The following SLC35B1 variants were observed in gnomAD, a reference collection of about 807,000 sequenced individuals.
SLC35B1 encodes solute carrier family 35 member B1.
A neutral mutation model predicts 36.6 loss-of-function variants in SLC35B1; 27 were observed. The observed-to-expected ratio is 0.74, with a 90% CI of 0.54 to 1.02. The LOEUF is 1.02. Among genes scored for constraint, SLC35B1 ranks in the 50% least tolerant of loss-of-function variants. The pLI is 0.00. For missense variants in SLC35B1, 321 were observed against 383.2 expected, an observed-to-expected ratio of 0.84 and a Z score of 1.35; for synonymous variants, 162 against 152.5, an observed-to-expected ratio of 1.06 and a Z score of -0.46.
intron 1 of SLC35B1, 130 bp downstream of exon 1, chr17:49,707,600 G>A (rs1481751470): frequency 2.1e-6 from 3 of 1,449,842 alleles, no homozygotes; most frequent in Non-Finnish European, 2.8e-6. Context: ...AGCTGCAAAA[G>A]TAGTAGGGTG....
At chr17:49,707,275 G>A (rs1219794142) in intron 1 of SLC35B1, 1 of 1,462,412 alleles carries the variant, frequency 6.8e-7, no homozygotes. Context: ...TGATTCCAAA[G>A]CCTAAGAAAA....
intron 1 of SLC35B1, 87 bp from the exon 2 acceptor site, chr17:49,707,155 T>C: frequency 7.1e-7 from 1 of 1,399,136 alleles, no homozygotes; most frequent in East Asian, 2.3e-5. Context: ...CTGAAAACTT[T>C]AAAATTATCT....
rs143938937 is a variant in SLC35B1 at position 49,704,567 on chromosome 17, C to T, written c.529-341G>A. Among the ~76,000 whole-genome samples the T allele has an allele frequency of 2.2e-3, 336 of 152,268 alleles. 1 individual carries two copies. Among genetic ancestry groups the T allele is most frequent in the Non-Finnish European group, 3.7e-3 (253 of 68,016 alleles). ...AGCTTGGAGTATAGTGCTCCAGAGA[C>T]CGGATCCTGTGCTTAGGCTGCCTGG... On this transcript the variant is annotated intron_variant, in intron 5 of 8. Transcript: ENST00000240333.
intron 1 of SLC35B1, chr17:49,707,359 C>T (rs1247056341): frequency 1.4e-6 from 2 of 1,427,608 alleles, no homozygotes; most frequent in Non-Finnish European, 1.9e-6. Flanking sequence ...CAGGAGGAGA[C>T]GGTATTTCGG....
intron 8 of SLC35B1, 174 bp downstream of exon 8, chr17:49,702,684 G>A (rs1402107894): frequency 1.1e-5 from 7 of 624,056 alleles, no homozygotes; most frequent in African/African-American, 5.5e-5. Context: ...CACCCGATTG[G>A]TGAGCTGAGA....
chr17:49,703,826 G>T (rs1015520381), intron 6 of SLC35B1: 5 of 424,224 alleles, frequency 1.2e-5, no homozygotes, highest in African/African-American at 1.0e-4. Flanking sequence ...CTCATGAAAG[G>T]GAAAGTTCCC....
In SLC35B1 at chr17:49,702,734, G is replaced by A. The variant is rs188290606; in HGVS notation, c.916+124C>T. On this transcript the variant is annotated intron_variant, in intron 8 of 8. Coordinates refer to ENST00000240333, the MANE Select transcript of SLC35B1 (RefSeq NM_005827.4). ...TCACTCCAGCCTGGGCAACAAGAGC[G>A]AAACTCCGTCTCAAAAAAAAGAGAA... is the stretch of plus-strand genomic sequence containing the variant. 8.3e-5 allele frequency: 91 copies of A among 1,102,662 alleles called. No homozygotes were observed. In the African/African-American group the frequency reaches 1.1e-3, roughly 14 times the overall value. The allele number at this position is 1,102,662 out of a possible 1,614,324, so 68.3% of individuals were successfully genotyped here.
chr17:49,706,354 AAAAAAAAAAAAGAAAAGAAAAG>A lies in SLC35B1; in HGVS notation c.209-42_209-21del. 7.3e-7 allele frequency: 1 copy of A among 1,370,384 alleles called. No individual in the cohort carries two copies. The allele number at this position is 1,370,384 out of a possible 1,614,324, so 84.9% of individuals were successfully genotyped here. A position where few individuals can be genotyped will look rare whatever the true frequency, so the allele number is the denominator to read the frequency against. ...GGATCACTGGGAGAAGACAAAAAAA[AAAAAAAAAAAAGAAAAGAAAAG>A]AAAAAAAAAAAAAAACAAGAGAAAC... On this transcript the variant is annotated intron_variant, in intron 2 of 8. Transcript: ENST00000240333.
At position 49,707,029 on chromosome 17, in the gene SLC35B1, C is replaced by A. The variant is rs762415958; in HGVS notation, c.144G>T (p.Thr48=). The change falls in exon 2 of 9, where the codon ACG becomes ACT. Residue 48 remains threonine, a synonymous_variant. Transcript: ENST00000240333. ...GKYGEGAKQE[T]FTFALTLVFI... The stretch of plus-strand genomic sequence containing the variant: ...AGACCAAAGTTAAGGCAAAGGTGAA[C>A]GTCTCCTGCTTGGCTCCTTCCCCAT... The A allele has an allele frequency of 1.2e-6, 2 of 1,613,998 alleles. No homozygotes were observed. The highest frequency in any genetic ancestry group is 1.7e-5 in the Admixed American group (1 of 60,024).
At position 49,706,300 on chromosome 17, in the gene SLC35B1, A is replaced by C. The variant is rs781150911; in HGVS notation, c.243T>G (p.Arg81=). The change falls in exon 3 of 9, where the codon CGT becomes CGG. Residue 81 remains arginine (R), a synonymous_variant. Transcript: ENST00000240333. The part of the protein sequence containing the change: ...IQFFDTARVD[R]TRSWLYAACS... ...AGGCAGCATAGAGCCAGCTCCGGGT[A>C]CGATCCACCCTGGCAGTGTCAAAAA... is the stretch of plus-strand genomic sequence containing the variant. 6.5e-7 allele frequency: 1 copy of C among 1,531,404 alleles called. No homozygotes were observed. Among genetic ancestry groups the C allele is most frequent in the Admixed American group, 1.8e-5 (1 of 54,350 alleles). The allele number at this position is 1,531,404 out of a possible 1,614,324, so 94.9% of individuals were successfully genotyped here.
At chr17:49,707,385 C>G in intron 1 of SLC35B1, 1 of 1,429,836 alleles carries the variant, frequency 7.0e-7, no homozygotes, top group Non-Finnish European at 9.3e-7. Flanking sequence ...GCACCAAGGC[C>G]GAGGACGAAT....
intron 8 of SLC35B1, chr17:49,701,801 A>T: frequency 2.9e-6 from 1 of 348,324 alleles, no homozygotes; most frequent in Middle Eastern, 6.1e-4. Flanking sequence ...CAAAACTTCT[A>T]GGCTATGGCT....
intron 8 of SLC35B1, 77 bp from the exon 9 acceptor site, chr17:49,701,587 G>T: frequency 8.0e-7 from 1 of 1,244,820 alleles, no homozygotes; most frequent in Non-Finnish European, 1.2e-6. Context: ...GGGTGGGGTA[G>T]TCGGCCTTGT....
chr17:49,702,742 G>T, intron 8 of SLC35B1, 116 bp downstream of exon 8: 1 of 1,171,094 alleles, frequency 8.5e-7, no homozygotes, highest in Non-Finnish European at 1.2e-6. Flanking sequence ...GCGAAACTCC[G>T]TCTCAAAAAA....
intron 3 of SLC35B1, 106 bp from the exon 4 acceptor site, chr17:49,706,002 ACCTCAG>A (rs1340035700): frequency 9.0e-6 from 12 of 1,332,348 alleles, no homozygotes; most frequent in Non-Finnish European, 1.3e-5. Context: ...TGCACCAGAG[ACCTCAG>A]CCTCAGAAAG....
At chr17:49,705,373 G>T in intron 4 of SLC35B1, 92 bp from the exon 5 acceptor site, 1 of 1,292,832 alleles carries the variant, frequency 7.7e-7, no homozygotes, top group Non-Finnish European at 1.1e-6. Flanking sequence ...AAAAGACTCA[G>T]GGAGAAAAGA....
intron 5 of SLC35B1, 55 bp downstream of exon 5, chr17:49,705,069 T>C: frequency 3.1e-6 from 5 of 1,591,026 alleles, no homozygotes; most frequent in Non-Finnish European, 4.3e-6. Context: ...TAGGTGAGAC[T>C]ATCCTTTGGT....
In SLC35B1 at chr17:49,707,873, C is replaced by A. The variant is rs773061239; in HGVS notation, c.-40G>T. On this transcript the variant is annotated 5_prime_UTR_variant, in exon 1 of 9. Transcript: ENST00000240333. ...AGCCGACTGGAGACCCGCTCACAACCGGCACCGGCAGCAGCGGCGGCGGAG... is the reference window on the plus strand; with the variant it reads ...AGCCGACTGGAGACCCGCTCACAACAGGCACCGGCAGCAGCGGCGGCGGAG... The A allele has an allele frequency of 2.5e-6, 4 of 1,608,402 alleles. No homozygotes were observed. The highest frequency in any genetic ancestry group is 3.4e-6 in the Non-Finnish European group (4 of 1,178,256).
At position 49,706,265 on chromosome 17, in the gene SLC35B1, G is replaced by C. The variant is rs531623627; in HGVS notation, c.278C>G (p.Ser93Cys). 28 of 1,603,410 alleles carry C rather than the reference G, an allele frequency of 1.7e-5. No individual in the cohort carries two copies. In the East Asian group the frequency reaches 5.9e-4, roughly 34 times the overall value. The change falls in exon 3 of 9, where the codon TCC (serine) becomes TGC (cysteine). Residue 93 changes from serine (S) to cysteine (C), a missense_variant. By Grantham distance (112) the Ser-to-Cys change is moderately radical. Transcript: ENST00000240333. Reference sequence around the variant, plus strand: ...GCTGGAGACCATGGCACCCAGATAGGAGATAGAACAGGCAGCATAGAGCCA... The same window carrying C: ...GCTGGAGACCATGGCACCCAGATAGCAGATAGAACAGGCAGCATAGAGCCA... ...RSWLYAACSI[S>C]YLGAMVSSNS...
Sources: allele counts gnomAD v4.1 joint callset (sites outside exome capture counted in the v4.1 genomes callset), GRCh38; gene constraint gnomAD v4.1.1; transcripts MANE v1.5; gene names NCBI Gene and HGNC (gene_info 2026-07-23, HGNC 2026-07-21).